PLSCR4: variants seen among roughly 807,000 people sequenced by gnomAD.
The protein encoded by PLSCR4 is Ca(2+)-dependent phospholipid scramblase 4.
PLSCR4 carries 25 observed loss-of-function variants against 36.3 expected under a neutral mutation model. The observed-to-expected ratio is 0.69, with a 90% CI of 0.50 to 0.96. The LOEUF is 0.96. Ranked by LOEUF, PLSCR4 falls within the 40% of genes least tolerant of loss-of-function variation. The pLI is 0.00. For synonymous variants in PLSCR4, 122 were observed against 132.9 expected (o/e 0.92, Z 0.56); for missense variants, 408 against 414.7 (o/e 0.98, Z 0.14).
At chr3:146,238,656 G>A (rs1424975347) in intron 1 of PLSCR4, among the ~76,000 whole-genome samples, 1 of 152,010 alleles carries the variant, frequency 6.6e-6, no homozygotes, top group East Asian at 1.9e-4. Flanking sequence ...GATCTCGTAA[G>A]AAACTTGTGA....
chr3:146,244,879 C>A (rs2036281958), intron 1 of PLSCR4, among the ~76,000 whole-genome samples: 1 of 152,080 alleles, frequency 6.6e-6, no homozygotes, highest in Admixed American at 6.5e-5. Flanking sequence ...GGCCTAGATT[C>A]CTCTGATGAA....
intron 1 of PLSCR4, among the ~76,000 whole-genome samples, chr3:146,240,143 A>G (rs1019232427): frequency 9.2e-5 from 14 of 152,214 alleles, no homozygotes; most frequent in Middle Eastern, 3.2e-3. Flanking sequence ...CATTTATCTG[A>G]GAGACTTTTG....
At chr3:146,218,120 TGA>T (rs1436282757) in intron 3 of PLSCR4, among the ~76,000 whole-genome samples, 2 of 151,968 alleles carry the variant, frequency 1.3e-5, no homozygotes, top group African/African-American at 4.8e-5. Context: ...CAATGTCAAA[TGA>T]GAGTTAAGTG....
At chr3:146,201,470 C>T (rs115582675) in intron 4 of PLSCR4, among the ~76,000 whole-genome samples, 3,076 of 152,104 alleles carry the variant, frequency 0.02, 104 homozygotes, top group African/African-American at 0.07. Context: ...AAGTTCAGAA[C>T]GATTAACACG....
At position 146,222,334 on chromosome 3, in the gene PLSCR4, TGTA is replaced by T. The variant is rs1281889423; in HGVS notation, c.-21-245_-21-243del. ...CCACCTACTGTGCTGCAGTTTATAT[TGTA>T]GTAGAATGAGATTTAAAAAAAGTCA... On this transcript the variant is annotated intron_variant, in intron 1 of 8. Transcript: ENST00000354952. 4 of 246,560 alleles carry T rather than the reference TGTA, an allele frequency of 1.6e-5. No individual in the cohort carries two copies. The East Asian group carries it at 3.1e-4, about 19-fold the overall frequency. 15.3% of individuals were successfully genotyped at this position (246,560 alleles called of 1,614,324 possible).
At chr3:146,227,440 A>C (rs927156990) in intron 1 of PLSCR4, among the ~76,000 whole-genome samples, 2 of 152,174 alleles carry the variant, frequency 1.3e-5, no homozygotes, top group East Asian at 3.9e-4. Flanking sequence ...GTATCTTATT[A>C]TATGCTATTA....
chr3:146,194,519 A>G, intron 8 of PLSCR4, 64 bp from the exon 9 acceptor site: 1 of 958,996 alleles, frequency 1.0e-6, no homozygotes, highest in East Asian at 2.4e-5. Flanking sequence ...ATGCGGTATT[A>G]TCCTTTGTAA....
At chr3:146,239,891 G>GA (rs1212366774) in intron 1 of PLSCR4, among the ~76,000 whole-genome samples, 1,743 of 145,234 alleles carry the variant, frequency 0.012, 22 homozygotes, top group African/African-American at 0.041. Context: ...CTCAAAAAAA[G>GA]AAAAAAAAAA....
At chr3:146,196,996 C>T (rs976240393) in intron 6 of PLSCR4, among the ~76,000 whole-genome samples, 1 of 152,148 alleles carries the variant, frequency 6.6e-6, no homozygotes, top group Non-Finnish European at 1.5e-5. Flanking sequence ...GTCATGTTTG[C>T]CTCTGGGATA....
At chr3:146,223,220 G>A (rs776142889) in intron 1 of PLSCR4, among the ~76,000 whole-genome samples, 1 of 152,098 alleles carries the variant, frequency 6.6e-6, no homozygotes, top group Non-Finnish European at 1.5e-5. Flanking sequence ...CAAGGAATGA[G>A]GGTGAAGGTA....
chr3:146,195,539 GA>G (rs978019246), intron 7 of PLSCR4, among the ~76,000 whole-genome samples: 64 of 152,288 alleles, frequency 4.2e-4, no homozygotes, highest in Admixed American at 1.2e-3. Context: ...CTTTTAAGAA[GA>G]GGTATGATTT....
At chr3:146,206,230 CTA>C (rs1480719211) in intron 4 of PLSCR4, among the ~76,000 whole-genome samples, 1 of 152,028 alleles carries the variant, frequency 6.6e-6, no homozygotes, top group African/African-American at 2.4e-5. Flanking sequence ...CAACTATCCT[CTA>C]TGATAGTTTT....
chr3:146,234,686 A>C (rs2035845180), intron 1 of PLSCR4, among the ~76,000 whole-genome samples: 1 of 152,180 alleles, frequency 6.6e-6, no homozygotes, highest in South Asian at 2.1e-4. Context: ...AAAATGGGTA[A>C]GTAGCAAGGA....
chr3:146,244,943 C>G (rs2036283883), intron 1 of PLSCR4, among the ~76,000 whole-genome samples: 1 of 151,966 alleles, frequency 6.6e-6, no homozygotes, highest in African/African-American at 2.4e-5. Context: ...TTTTAGATAC[C>G]ACTAAGAACT....
intron 4 of PLSCR4, 73 bp from the exon 5 acceptor site, chr3:146,201,150 G>A: frequency 1.1e-6 from 1 of 899,346 alleles, no homozygotes; most frequent in South Asian, 2.0e-5. Context: ...ATAAACTGAT[G>A]AAATAGATAT....
chr3:146,221,969 A>C (rs569361874), intron 2 of PLSCR4, 96 bp downstream of exon 2: 2 of 505,638 alleles, frequency 4.0e-6, no homozygotes, highest in Non-Finnish European at 6.5e-6. Context: ...AATGTTAAAC[A>C]AAAAAAAATC....
intron 1 of PLSCR4, among the ~76,000 whole-genome samples, chr3:146,239,742 G>A (rs1212817552): frequency 6.6e-6 from 1 of 151,970 alleles, no homozygotes; most frequent in Non-Finnish European, 1.5e-5. Context: ...AAACAGCTGG[G>A]CATGGTGGCA....
chr3:146,248,567 A>G (rs766981353), intron 1 of PLSCR4, among the ~76,000 whole-genome samples: 7 of 151,998 alleles, frequency 4.6e-5, no homozygotes, highest in Non-Finnish European at 7.4e-5. Flanking sequence ...CATATTTCCA[A>G]GTTAGAACAT....
chr3:146,234,175 A>G (rs1348137366), intron 1 of PLSCR4, among the ~76,000 whole-genome samples: 1 of 152,090 alleles, frequency 6.6e-6, no homozygotes, highest in Admixed American at 6.6e-5. Context: ...AGACCAGAAA[A>G]AGTACAATCA....
Sources: allele counts gnomAD v4.1 joint callset (sites outside exome capture counted in the v4.1 genomes callset), GRCh38; gene constraint gnomAD v4.1.1; transcripts MANE v1.5; gene names NCBI Gene and HGNC (gene_info 2026-07-23, HGNC 2026-07-21).